The following TMEM135 variants were observed in gnomAD, a reference collection of about 807,000 sequenced individuals.
TMEM135 encodes the protein peroxisomal membrane protein 52.
A neutral mutation model predicts 60.3 loss-of-function variants in TMEM135; 30 were observed. The ratio of observed to expected loss-of-function variants is 0.50; its 90% CI spans 0.37 to 0.68. TMEM135 has a LOEUF of 0.68. Ranked by LOEUF, TMEM135 falls within the 30% of genes least tolerant of loss-of-function variation. TMEM135 has a pLI of 0.00. For synonymous variants in TMEM135, 190 were observed against 186.7 expected (o/e 1.02, Z -0.14); for missense variants, 468 against 548.8 (o/e 0.85, Z 1.47).
intron 5 of TMEM135, 44 bp downstream of exon 5, chr11:87,157,450 GT>G: frequency 6.5e-7 from 1 of 1,540,428 alleles, no homozygotes; most frequent in East Asian, 2.3e-5. Context: ...TTAATTTATA[GT>G]TTGCGATTTT....
chr11:87,066,767 T>A (rs1032968211), intron 1 of TMEM135, among the ~76,000 whole-genome samples: 1 of 151,042 alleles, frequency 6.6e-6, no homozygotes, highest in South Asian at 2.1e-4. Flanking sequence ...ATACTTGTGT[T>A]GTTACTAGAT....
intron 5 of TMEM135, among the ~76,000 whole-genome samples, chr11:87,159,591 G>GCA (rs757338413): frequency 2.5e-5 from 2 of 81,306 alleles, no homozygotes; most frequent in East Asian, 9.3e-4. Context: ...ATACACACAC[G>GCA]CGCACACACA....
intron 4 of TMEM135, among the ~76,000 whole-genome samples, chr11:87,143,584 T>A (rs1377399916): frequency 6.6e-6 from 1 of 152,220 alleles, no homozygotes; most frequent in Non-Finnish European, 1.5e-5. Context: ...TAGTGAAAGG[T>A]GCAGCAAACA....
chr11:87,089,330 C>T (rs561775031), intron 3 of TMEM135, among the ~76,000 whole-genome samples: 1 of 152,236 alleles, frequency 6.6e-6, no homozygotes, highest in African/African-American at 2.4e-5. Context: ...AATCCAGAAA[C>T]TTGAACCAGC....
At chr11:87,076,150 G>A (rs576793576) in intron 3 of TMEM135, among the ~76,000 whole-genome samples, 38 of 152,320 alleles carry the variant, frequency 2.5e-4, no homozygotes, top group Non-Finnish European at 2.5e-4. Flanking sequence ...CGGGCCCTGG[G>A]CAGGTCCAAA....
At chr11:87,274,784 G>C (rs1339686541) in intron 6 of TMEM135, among the ~76,000 whole-genome samples, 2 of 133,912 alleles carry the variant, frequency 1.5e-5, no homozygotes, top group African/African-American at 5.6e-5. Flanking sequence ...AACATAGCAA[G>C]ACTGTGTGTG....
chr11:87,186,854 G>A (rs1250379866), intron 5 of TMEM135, among the ~76,000 whole-genome samples: 1 of 152,068 alleles, frequency 6.6e-6, no homozygotes, highest in African/African-American at 2.4e-5. Context: ...AATTGGTGGA[G>A]GAATGAGCAG....
intron 9 of TMEM135, among the ~76,000 whole-genome samples, chr11:87,308,202 G>A (rs769163572): frequency 9.9e-5 from 15 of 152,168 alleles, no homozygotes; most frequent in Non-Finnish European, 1.9e-4. Context: ...CTAGTGTAAT[G>A]TTTGGCAGAT....
chr11:87,293,894 G>A (rs1324093207), intron 6 of TMEM135, among the ~76,000 whole-genome samples: 1 of 152,148 alleles, frequency 6.6e-6, no homozygotes, highest in Non-Finnish European at 1.5e-5. Context: ...GGATTGCTAG[G>A]TCAAATGGTA....
Position 87,206,440 on chromosome 11 carries a change from G to A in TMEM135, c.463-30198G>A, listed in dbSNP as rs147134940. ...ACTCATTCAGAAATTTTTGAATGTT[G>A]TTTTTTTCCTCCTATTACATGGTAC... On this transcript the variant is annotated intron_variant, in intron 5 of 14. Coordinates refer to ENST00000305494, the MANE Select transcript of TMEM135 (RefSeq NM_022918.4). Among the ~76,000 whole-genome samples the A allele has an allele frequency of 4.2e-3, 637 of 152,098 alleles. 1 individual carries two copies. Among genetic ancestry groups the A allele is most frequent in the Middle Eastern group, 0.014 (4 of 294 alleles).
intron 5 of TMEM135, among the ~76,000 whole-genome samples, chr11:87,212,824 GA>G (rs60084755): frequency 0.016 from 1,676 of 105,486 alleles, 14 homozygotes; most frequent in Middle Eastern, 0.052. Context: ...CCTGATTTTG[GA>G]AAAAAAAAAA....
chr11:87,245,077 C>A (rs1476621196), intron 6 of TMEM135, among the ~76,000 whole-genome samples: 8 of 136,460 alleles, frequency 5.9e-5, no homozygotes, highest in African/African-American at 1.9e-4. Flanking sequence ...TTTCAAAGAA[C>A]ATCTTTATTT....
At position 87,321,733 on chromosome 11, in the gene TMEM135, T is replaced by C. The variant is rs1372889767; in HGVS notation, c.*400T>C. ...TTAGGATTATTTCTACATTTTAGGA[T>C]TTACAAAGGATCACGGGTACATGGA... On this transcript the variant is annotated 3_prime_UTR_variant, in exon 15 of 15. Coordinates refer to ENST00000305494, the MANE Select transcript of TMEM135 (RefSeq NM_022918.4). 1 of 456,736 alleles carries C rather than the reference T, an allele frequency of 2.2e-6. No homozygotes were observed. The highest frequency in any genetic ancestry group is 6.9e-5 in the East Asian group (1 of 14,484). 28.3% of individuals were successfully genotyped at this position (456,736 alleles called of 1,614,324 possible).
chr11:87,185,913 C>CTTTTTTTTTTTTTTTTTTTT (rs367985910), intron 5 of TMEM135, among the ~76,000 whole-genome samples: 23 of 138,868 alleles, frequency 1.7e-4, no homozygotes, highest in South Asian at 6.8e-4. Flanking sequence ...AGTTATCCTT[C>CTTTTTTTTTTTTTTTTTTTT]TTTTTTTTTT....
At chr11:87,238,243 C>T (rs190091225) in intron 6 of TMEM135, among the ~76,000 whole-genome samples, 69 of 151,858 alleles carry the variant, frequency 4.5e-4, no homozygotes, top group Admixed American at 1.4e-3. Flanking sequence ...ATTTTTAAAC[C>T]ACCAATTTCC....
At chr11:87,269,794 G>T (rs1227852765) in intron 6 of TMEM135, among the ~76,000 whole-genome samples, 1 of 150,390 alleles carries the variant, frequency 6.6e-6, no homozygotes, top group Non-Finnish European at 1.5e-5. Flanking sequence ...GAATAGTGCC[G>T]CAATAAACAT....
intron 5 of TMEM135, among the ~76,000 whole-genome samples, chr11:87,207,777 C>T (rs1940269579): frequency 6.6e-6 from 1 of 152,162 alleles, no homozygotes; most frequent in Admixed American, 6.5e-5. Context: ...GTGGTGTCCC[C>T]ACTGCCTCTG....
chr11:87,064,454 A>G (rs1856608643), intron 1 of TMEM135, among the ~76,000 whole-genome samples: 1 of 152,236 alleles, frequency 6.6e-6, no homozygotes, highest in African/African-American at 2.4e-5. Flanking sequence ...CAGTCAAAAT[A>G]CAGAACATTT....
At chr11:87,188,957 A>G (rs1330112696) in intron 5 of TMEM135, among the ~76,000 whole-genome samples, 1 of 152,062 alleles carries the variant, frequency 6.6e-6, no homozygotes, top group Non-Finnish European at 1.5e-5. Flanking sequence ...AACTATAATT[A>G]TTCCATAGTA....
Sources: allele counts gnomAD v4.1 joint callset (sites outside exome capture counted in the v4.1 genomes callset), GRCh38; gene constraint gnomAD v4.1.1; transcripts MANE v1.5; gene names NCBI Gene and HGNC (gene_info 2026-07-23, HGNC 2026-07-21).